The following C12orf54 variants were observed in gnomAD, a reference collection of about 807,000 sequenced individuals.
The protein encoded by C12orf54 is chromosome 12 open reading frame 54, also known as uncharacterized protein C12orf54.
Under a neutral mutation model 26.4 loss-of-function variants are expected in C12orf54, and 24 were observed. The ratio of observed to expected loss-of-function variants is 0.91; its 90% confidence interval spans 0.66 to 1.28. C12orf54 has a LOEUF of 1.28. C12orf54 is among the 50% of genes most tolerant of loss of function. The pLI, the probability that C12orf54 is intolerant of heterozygous loss-of-function variation, is 0.00. For synonymous variants in C12orf54, 54 were observed against 47.0 expected, an observed-to-expected ratio of 1.15 and a Z score of -0.61; for missense variants, 154 against 150.9, an observed-to-expected ratio of 1.02 and a Z score of -0.11.
the C12orf54 span, among the ~76,000 whole-genome samples, chr12:48,474,263 G>A: frequency 1.3e-5 from 2 of 152,134 alleles, no homozygotes; most frequent in Admixed American, 6.5e-5. Flanking sequence ...CCAGGTGGAG[G>A]AGCCAAGATG....
chr12:48,456,715 AG>A, the C12orf54 span, among the ~76,000 whole-genome samples: 2 of 152,168 alleles, frequency 1.3e-5, no homozygotes, highest in Admixed American at 1.3e-4. Context: ...CTAGCCCATT[AG>A]TGCTGTGTTA....
chr12:48,460,192 G>A, the C12orf54 span, among the ~76,000 whole-genome samples: 1 of 146,964 alleles, frequency 6.8e-6, no homozygotes, highest in Admixed American at 7.1e-5. Context: ...ATTCTTTCCT[G>A]CCCAGGGAGT....
the C12orf54 span, among the ~76,000 whole-genome samples, chr12:48,432,608 G>A: frequency 6.6e-6 from 1 of 152,304 alleles, no homozygotes; most frequent in Non-Finnish European, 1.5e-5. Flanking sequence ...ACTGGCTCAT[G>A]CCTGTAATCC....
chr12:48,473,352 G>T, the C12orf54 span: 1 of 1,138,676 alleles, frequency 8.8e-7, no homozygotes, highest in African/African-American at 1.5e-5. Context: ...AGAGCTTGGT[G>T]AAGAAGAAAG....
At chr12:48,489,022 C>G in intron 5 of C12orf54, 66 bp downstream of exon 5, 2 of 1,465,810 alleles carry the variant, frequency 1.4e-6, no homozygotes, top group Non-Finnish European at 1.9e-6. Flanking sequence ...CATTTTTTTT[C>G]TTACCCTACT....
the C12orf54 span, among the ~76,000 whole-genome samples, chr12:48,457,281 TTGTTGG>T: frequency 7.8e-5 from 9 of 115,742 alleles, no homozygotes; most frequent in South Asian, 1.4e-3. Context: ...TTTGTTGTTG[TTGTTGG>T]TGGTGGTGGT....
At chr12:48,475,791 G>A in the C12orf54 span, among the ~76,000 whole-genome samples, 1 of 152,234 alleles carries the variant, frequency 6.6e-6, no homozygotes, top group Admixed American at 6.5e-5. Context: ...GAAAGTGACA[G>A]GGAGAATGGA....
At chr12:48,494,148 G>A (rs1937859962) in intron 7 of C12orf54, among the ~76,000 whole-genome samples, 1 of 149,468 alleles carries the variant, frequency 6.7e-6, no homozygotes, top group Admixed American at 6.7e-5. Context: ...GAACCCAGGA[G>A]GCAGAGGTTG....
chr12:48,488,682 CT>C (rs1937714866), intron 4 of C12orf54, among the ~76,000 whole-genome samples: 1 of 152,138 alleles, frequency 6.6e-6, no homozygotes, highest in Non-Finnish European at 1.5e-5. Flanking sequence ...GCCCAGTCTT[CT>C]TTAAATACTT....
upstream of C12orf54, among the ~76,000 whole-genome samples, chr12:48,478,206 G>C (rs1954163545): frequency 6.6e-6 from 1 of 152,154 alleles, no homozygotes; most frequent in East Asian, 1.9e-4. Flanking sequence ...AATGCTTCAT[G>C]CTAAAAACTC....
chr12:48,468,548 G>A, the C12orf54 span, among the ~76,000 whole-genome samples: 10 of 152,038 alleles, frequency 6.6e-5, no homozygotes, highest in Non-Finnish European at 8.8e-5. Flanking sequence ...CAGATGGATC[G>A]AAAGTACAAG....
At chr12:48,466,702 A>T in the C12orf54 span, among the ~76,000 whole-genome samples, 1 of 152,210 alleles carries the variant, frequency 6.6e-6, no homozygotes, top group Non-Finnish European at 1.5e-5. Flanking sequence ...AAAAATATAG[A>T]GCAACTTGAA....
chr12:48,467,795 G>A, the C12orf54 span, among the ~76,000 whole-genome samples: 1 of 152,104 alleles, frequency 6.6e-6, no homozygotes, highest in Non-Finnish European at 1.5e-5. Context: ...TTTATTGCAT[G>A]TCAATTATAC....
At chr12:48,478,772 C>T (rs1425180773), upstream of C12orf54, among the ~76,000 whole-genome samples, 3 of 152,146 alleles carry the variant, frequency 2.0e-5, no homozygotes, top group African/African-American at 4.8e-5. Flanking sequence ...AAAATGCTCA[C>T]CATCACTGTG....
At chr12:48,468,555 C>G in the C12orf54 span, among the ~76,000 whole-genome samples, 1 of 151,876 alleles carries the variant, frequency 6.6e-6, no homozygotes, top group Non-Finnish European at 1.5e-5. Context: ...ATCGAAAGTA[C>G]AAGGACCAAA....
At chr12:48,493,518 G>A (rs1937837440) in intron 7 of C12orf54, among the ~76,000 whole-genome samples, 1 of 151,448 alleles carries the variant, frequency 6.6e-6, no homozygotes, top group African/African-American at 2.4e-5. Context: ...TACTCGGGAG[G>A]CTGAGGTGAA....
chr12:48,439,372 A>G, the C12orf54 span, among the ~76,000 whole-genome samples: 399 of 152,284 alleles, frequency 2.6e-3, 1 homozygote, highest in Non-Finnish European at 4.3e-3. Context: ...TAGAAATACC[A>G]TTTGACCCAG....
intron 6 of C12orf54, among the ~76,000 whole-genome samples, chr12:48,491,516 G>T (rs1023489156): frequency 6.6e-6 from 1 of 152,192 alleles, no homozygotes; most frequent in African/African-American, 2.4e-5. Flanking sequence ...CCCTTGGAAT[G>T]GTTGTTGAGG....
At chr12:48,477,243 A>G in the C12orf54 span, among the ~76,000 whole-genome samples, 4 of 152,256 alleles carry the variant, frequency 2.6e-5, no homozygotes, top group African/African-American at 9.6e-5. Flanking sequence ...ACACATTCAA[A>G]GCAGTGTGTA....
Sources: gnomAD v4.1 joint callset for allele counts (sites outside exome capture counted in the v4.1 genomes callset) on GRCh38, gnomAD v4.1.1 for gene constraint, MANE v1.5 for transcripts, NCBI Gene and HGNC (gene_info 2026-07-23, HGNC 2026-07-21) for gene names.